HNF4A: variants seen among roughly 807,000 people sequenced by gnomAD.
The protein encoded by HNF4A is hepatocyte nuclear factor 4-alpha.
A neutral mutation model predicts 52.4 loss-of-function variants in HNF4A; 15 were observed. That is an observed-to-expected ratio of 0.29 (90% CI 0.19 to 0.44). The LOEUF is 0.44. Among genes scored for constraint, HNF4A ranks in the 20% least tolerant of loss-of-function variants. HNF4A has a pLI of 1.00. For missense variants in HNF4A, 479 were observed against 647.2 expected, an observed-to-expected ratio of 0.74 and a Z score of 2.82; for synonymous variants, 280 against 264.4, an observed-to-expected ratio of 1.06 and a Z score of -0.57.
intron 1 of HNF4A, among the ~76,000 whole-genome samples, chr20:44,374,183 A>C (rs6031562): frequency 0.034 from 5,206 of 152,192 alleles, 292 homozygotes; most frequent in African/African-American, 0.12. Context: ...TCTTGATGTC[A>C]ACGTGTACCC....
intron 1 of HNF4A, among the ~76,000 whole-genome samples, chr20:44,379,730 C>CTTT (rs33924202): frequency 7.3e-5 from 8 of 109,556 alleles, no homozygotes; most frequent in East Asian, 2.9e-4. Context: ...TTTTCTTTTC[C>CTTT]TTTTTTTTTT....
In HNF4A at chr20:44,432,340, C is replaced by T. The variant is rs1278118183; in HGVS notation, c.*2675C>T. ...TGACATGATATTAGAAAATCTCTCG[C>T]TCTCTTTTTTTTTTTTTTTTTTTTT... On this transcript the variant is annotated 3_prime_UTR_variant, in exon 10 of 10. Transcript: ENST00000316099. 8.8e-6 allele frequency: 1 copy of T among 113,586 alleles called. No homozygotes were observed. The highest frequency in any genetic ancestry group is 3.2e-5 in the African/African-American group (1 of 31,300). 7.0% of individuals were successfully genotyped at this position (113,586 alleles called of 1,614,324 possible). A position where few individuals can be genotyped will look rare whatever the true frequency, so the allele number is the denominator to read the frequency against.
chr20:44,362,248 T>C (rs1600627379), intron 1 of HNF4A, among the ~76,000 whole-genome samples: 1 of 151,968 alleles, frequency 6.6e-6, no homozygotes, highest in East Asian at 1.9e-4. Context: ...GGTGAAACCC[T>C]GTCTCTACTA....
At chr20:44,407,352 T>G in intron 2 of HNF4A, 29 bp from the exon 3 acceptor site, 1 of 1,550,120 alleles carries the variant, frequency 6.5e-7, no homozygotes, top group Non-Finnish European at 8.9e-7. Context: ...TTGTGTCTTC[T>G]CCATCCAACC....
chr20:44,369,185 G>C (rs1382814104), intron 1 of HNF4A, among the ~76,000 whole-genome samples: 1 of 130,200 alleles, frequency 7.7e-6, no homozygotes, highest in Non-Finnish European at 1.6e-5. Flanking sequence ...GGAGGTGGAG[G>C]TTTCAGTGAG....
chr20:44,403,423 C>A (rs2063437957), intron 1 of HNF4A, among the ~76,000 whole-genome samples: 1 of 152,184 alleles, frequency 6.6e-6, no homozygotes, highest in Non-Finnish European at 1.5e-5. Context: ...GTGCTTAGCC[C>A]TGGTAAAGGG....
chr20:44,401,184 C>G, upstream of HNF4A: 1 of 1,471,276 alleles, frequency 6.8e-7, no homozygotes, highest in African/African-American at 1.4e-5. Flanking sequence ...TTAACCCCCA[C>G]CCCTCCCCGG....
chr20:44,382,385 C>T (rs1490602879), intron 1 of HNF4A, among the ~76,000 whole-genome samples: 4 of 152,084 alleles, frequency 2.6e-5, no homozygotes, highest in East Asian at 1.9e-4. Context: ...ACTACAGGTG[C>T]GTACCACTAC....
upstream of HNF4A, among the ~76,000 whole-genome samples, chr20:44,398,445 T>G (rs554355375): frequency 8.5e-5 from 13 of 152,300 alleles, no homozygotes; most frequent in Middle Eastern, 3.4e-3. Context: ...ACAAAAGAAA[T>G]AATAGCTTGC....
intron 3 of HNF4A, among the ~76,000 whole-genome samples, chr20:44,413,389 C>T (rs2063614256): frequency 6.6e-6 from 1 of 152,128 alleles, no homozygotes. Context: ...TTAAGCTAGT[C>T]AGATCCCCTC....
intron 1 of HNF4A, among the ~76,000 whole-genome samples, chr20:44,405,399 C>A (rs1016127704): frequency 3.3e-5 from 5 of 152,136 alleles, no homozygotes; most frequent in African/African-American, 1.2e-4. Context: ...AGTTTACAGG[C>A]GAGTTAGTGG....
At chr20:44,388,241 C>T (rs992477452) in intron 1 of HNF4A, among the ~76,000 whole-genome samples, 1 of 151,946 alleles carries the variant, frequency 6.6e-6, no homozygotes, top group Non-Finnish European at 1.5e-5. Context: ...CATGCACCAT[C>T]ACGCCCTGCC....
chr20:44,366,760 T>C (rs1370515354), intron 1 of HNF4A, among the ~76,000 whole-genome samples: 4 of 152,210 alleles, frequency 2.6e-5, no homozygotes, highest in African/African-American at 7.2e-5. Flanking sequence ...ACATAGCATA[T>C]TAAAGCATTA....
Position 44,401,241 on chromosome 20 carries a change from AT to A in HNF4A, c.-131del. 1 of 1,551,206 alleles carries A rather than the reference AT, an allele frequency of 6.4e-7. No homozygotes were observed. Among genetic ancestry groups the A allele is most frequent in the Non-Finnish European group, 8.7e-7 (1 of 1,155,016 alleles). ...GAGGCTAGGCCAAGACTCCCAGCAG[AT>A]CTTCCCAGAGGACGGTTTGAAAGGA... On this transcript the variant is annotated 5_prime_UTR_variant, in exon 1 of 10. Transcript: ENST00000316099.
chr20:44,375,242 CTTG>C (rs1207423314), intron 1 of HNF4A, among the ~76,000 whole-genome samples: 4 of 151,358 alleles, frequency 2.6e-5, no homozygotes, highest in African/African-American at 9.7e-5. Context: ...TTGTTTTTTG[CTTG>C]TTGAATTGTT....
rs2063892766 is a variant in HNF4A, at chr20:44,432,692, C to A, written c.*3027C>A. 6.6e-6 allele frequency: 1 copy of A among 152,156 alleles called. No individual in the cohort carries two copies. Among genetic ancestry groups the A allele is most frequent in the Admixed American group, 6.5e-5 (1 of 15,274 alleles). 9.4% of individuals were successfully genotyped at this position (152,156 alleles called of 1,614,324 possible). A position where few individuals can be genotyped will look rare whatever the true frequency, so the allele number is the denominator to read the frequency against. ...TGGGTCCCATCAGAACGACCCACAT[C>A]TTTCTGTGGGTGTGAATGTCATTAG... is the stretch of plus-strand genomic sequence containing the variant. On this transcript the variant is annotated 3_prime_UTR_variant, in exon 10 of 10. Coordinates refer to ENST00000316099, the MANE Select transcript of HNF4A (RefSeq NM_000457.6).
chr20:44,388,691 G>A (rs1412222415), intron 1 of HNF4A, among the ~76,000 whole-genome samples: 1 of 152,174 alleles, frequency 6.6e-6, no homozygotes, highest in African/African-American at 2.4e-5. Context: ...TCCTGCGTTG[G>A]CCACGAGGAG....
intron 1 of HNF4A, among the ~76,000 whole-genome samples, chr20:44,388,526 C>A (rs1039505929): frequency 2.0e-5 from 3 of 151,994 alleles, no homozygotes; most frequent in Non-Finnish European, 2.9e-5. Flanking sequence ...GGGAGATGTT[C>A]TTTTAGGTAA....
intron 8 of HNF4A, among the ~76,000 whole-genome samples, chr20:44,426,031 T>C (rs2063811033): frequency 6.6e-6 from 1 of 152,140 alleles, no homozygotes; most frequent in Non-Finnish European, 1.5e-5. Context: ...GTTGAATGTA[T>C]GAGTCTGTTG....
Sources: allele counts gnomAD v4.1 joint callset (sites outside exome capture counted in the v4.1 genomes callset), GRCh38; gene constraint gnomAD v4.1.1; transcripts MANE v1.5; gene names NCBI Gene and HGNC (gene_info 2026-07-23, HGNC 2026-07-21).